TMC8: variants seen among roughly 807,000 people sequenced by gnomAD.
TMC8 encodes transmembrane channel like 8.
TMC8 carries 71 observed loss-of-function variants against 76.0 expected under a neutral mutation model. The observed-to-expected ratio is 0.93, with a 90% CI of 0.77 to 1.14. TMC8 has a LOEUF of 1.14. Among genes scored for constraint, TMC8 ranks in the 50% most tolerant of loss-of-function variants. The pLI, the probability that TMC8 is intolerant of heterozygous loss-of-function variation, is 0.00. For synonymous variants in TMC8, 433 were observed against 433.8 expected (o/e 1.00, Z 0.02); for missense variants, 924 against 947.9 (o/e 0.97, Z 0.33).
intron 15 of TMC8, 21 bp from the exon 16 acceptor site, chr17:78,140,813 C>G: frequency 3.1e-6 from 5 of 1,595,556 alleles, no homozygotes; most frequent in African/African-American, 2.7e-5. Flanking sequence ...TGTCGCAACT[C>G]GCCACTTGTT....
rs955538227 is a variant in TMC8, at chr17:78,134,375, T to C, written c.817-19T>C. The C allele has an allele frequency of 6.2e-7, 1 of 1,607,628 alleles. No individual in the cohort carries two copies. Among genetic ancestry groups the C allele is most frequent in the Non-Finnish European group, 8.5e-7 (1 of 1,179,862 alleles). ...CCCACCCCGCCTGCAGCTGCCTCTGTCCCCACCCTTCCGGGCAGGTGGAGC... is the reference window on the plus strand; with the variant it reads ...CCCACCCCGCCTGCAGCTGCCTCTGCCCCCACCCTTCCGGGCAGGTGGAGC... On this transcript the variant is annotated intron_variant, in intron 7 of 15. Transcript: ENST00000318430.
In TMC8 at chr17:78,134,441, C is replaced by A; in HGVS notation, c.864C>A (p.Thr288=). The A allele has an allele frequency of 6.2e-7, 1 of 1,613,640 alleles. No individual in the cohort carries two copies. The highest frequency in any genetic ancestry group is 8.5e-7 in the Non-Finnish European group (1 of 1,180,036). Residue 288 remains threonine (T), a synonymous_variant, in exon 8 of 16, where the codon ACC becomes ACA. Coordinates refer to ENST00000318430, the MANE Select transcript of TMC8 (RefSeq NM_152468.5). ...GCTTCCAGCTGATGCAGCAGCAGAC[C>A]CGGGCCCAGACGGCCTGCCGCCTGC... ...GRRFQLMQQQ[T]RAQTACRLLS...
In TMC8 at chr17:78,132,429, C is replaced by T. The variant is rs527473967; in HGVS notation, c.369C>T (p.Ser123=). The part of the protein sequence containing the change: ...LRFLLLLNLL[S]LLLTASFVLL... ...TCCTGCTGCTACTCAACCTGCTGAG[C>T]CTGCTGCTCACCGCAAGCTTCGTGC... Residue 123 remains serine (S), a synonymous_variant, in exon 4 of 16, where the codon AGC becomes AGT. Transcript: ENST00000318430. 29 of 1,612,848 alleles carry T rather than the reference C, an allele frequency of 1.8e-5. No homozygotes were observed. In the East Asian group the frequency reaches 6.2e-4, roughly 35 times the overall value.
rs878998550 is a variant in TMC8, at chr17:78,134,267, G to A, written c.817-127G>A. ...TCTGAGTGTCTATGGGAGCATGACA[G>A]TGTGAGAGTTTGTGACTGTGTATGT... On this transcript the variant is annotated intron_variant, in intron 7 of 15. Coordinates refer to ENST00000318430, the MANE Select transcript of TMC8 (RefSeq NM_152468.5). The A allele has an allele frequency of 1.7e-6, 2 of 1,201,564 alleles. No individual in the cohort carries two copies. The highest frequency in any genetic ancestry group is 2.6e-5 in the South Asian group (2 of 77,932). The allele number at this position is 1,201,564 out of a possible 1,614,324, so 74.4% of individuals were successfully genotyped here.
At chr17:78,130,977 C>A in intron 1 of TMC8, 126 bp downstream of exon 1, 1 of 172,960 alleles carries the variant, frequency 5.8e-6, no homozygotes, top group Admixed American at 5.7e-5. Context: ...AGCCACAGGT[C>A]CTCATCAGGG....
At chr17:78,135,960 A>G (rs2075216755) in intron 9 of TMC8, among the ~76,000 whole-genome samples, 1 of 152,196 alleles carries the variant, frequency 6.6e-6, no homozygotes, top group Non-Finnish European at 1.5e-5. Flanking sequence ...AAGCTGAGGC[A>G]GGAGAATCAC....
In TMC8 at chr17:78,137,802, C is replaced by A. The variant is rs1268870806; in HGVS notation, c.1337C>A (p.Thr446Asn). 3 of 1,613,222 alleles carry A rather than the reference C, an allele frequency of 1.9e-6. No individual in the cohort carries two copies. The highest frequency in any genetic ancestry group is 2.5e-6 in the Non-Finnish European group (3 of 1,179,992). ...LLTVAFAFLV[T>N]LPRRLLVDRF... ...ACCGTGGCCTTCGCCTTCCTGGTCA[C>A]CCTGCCTCGGAGGTGAGCCCCGGGG... Residue 446 changes from threonine to asparagine, a missense_variant, in exon 11 of 16, where the codon ACC (threonine) becomes AAC (asparagine). Thr to Asn is a moderately conservative substitution (Grantham distance 65). Coordinates refer to ENST00000318430, the MANE Select transcript of TMC8 (RefSeq NM_152468.5).
intron 15 of TMC8, among the ~76,000 whole-genome samples, chr17:78,140,149 C>T (rs961047503): frequency 5.9e-5 from 9 of 152,160 alleles, no homozygotes; most frequent in African/African-American, 2.2e-4. Flanking sequence ...ATAGCAAGAC[C>T]TCGTCTCTAC....
intron 7 of TMC8, 73 bp from the exon 8 acceptor site, chr17:78,134,321 G>C: frequency 1.9e-6 from 3 of 1,543,778 alleles, no homozygotes; most frequent in Non-Finnish European, 2.7e-6. Flanking sequence ...CTGTGTGTGA[G>C]AGCGTTTCCT....
chr17:78,136,157 T>G (rs1165598863), intron 9 of TMC8, among the ~76,000 whole-genome samples: 2 of 152,188 alleles, frequency 1.3e-5, no homozygotes, highest in African/African-American at 4.8e-5. Context: ...GCAGTGGGAA[T>G]GTTCACCCTT....
Position 78,133,941 on chromosome 17 carries a change from T to C in TMC8, c.757T>C (p.Cys253Arg). Residue 253 changes from cysteine (C) to arginine (R), a missense_variant, in exon 7 of 16, where the codon TGC becomes CGC. Physicochemically the swap from Cys to Arg is radical, Grantham distance 180. Transcript: ENST00000318430. Reference protein sequence around the residue: ...SAKVFSSWDFCIRVQEAATIK... With the variant: ...SAKVFSSWDFRIRVQEAATIK... Reference sequence around the variant, plus strand: ...CAAGGTCTTCTCCTCATGGGACTTCTGCATCCGGGTGCAGGAAGCAGCCAC... The same window carrying C: ...CAAGGTCTTCTCCTCATGGGACTTCCGCATCCGGGTGCAGGAAGCAGCCAC... 3 of 1,613,644 alleles carry C rather than the reference T, an allele frequency of 1.9e-6. No individual in the cohort carries two copies. Among genetic ancestry groups the C allele is most frequent in the South Asian group, 1.1e-5 (1 of 91,090 alleles).
At position 78,132,491 on chromosome 17, in the gene TMC8, G is replaced by A. The variant is rs2075039476; in HGVS notation, c.431G>A (p.Gly144Asp). The part of the protein sequence containing the change: ...PLVWLRPPDP[G>D]PTLNLTLQCP... ...GTCTGGCTCCGCCCCCCTGACCCAG[G>A]CCCCACCCTGAACTTGAGTGAGTGT... The change falls in exon 4 of 16, where the codon GGC becomes GAC. Residue 144 changes from glycine (G) to aspartate (D), a missense_variant. Coordinates refer to ENST00000318430, the MANE Select transcript of TMC8 (RefSeq NM_152468.5). The A allele has an allele frequency of 1.2e-6, 2 of 1,610,758 alleles. No homozygotes were observed. Among genetic ancestry groups the A allele is most frequent in the African/African-American group, 2.7e-5 (2 of 75,008 alleles).
intron 9 of TMC8, 124 bp downstream of exon 9, chr17:78,135,133 C>A: frequency 1.6e-6 from 2 of 1,287,610 alleles, no homozygotes; most frequent in Non-Finnish European, 2.2e-6. Flanking sequence ...ACTAGTGGCC[C>A]AAGGGAAGGC....
At chr17:78,132,703 G>C in intron 4 of TMC8, 85 bp from the exon 5 acceptor site, 1 of 1,547,152 alleles carries the variant, frequency 6.5e-7, no homozygotes, top group Non-Finnish European at 8.9e-7. Context: ...GGCCTCCCCA[G>C]GGTTGGGGGT....
chr17:78,131,768 T>G (rs1299382689), intron 2 of TMC8, 31 bp downstream of exon 2: 2 of 1,561,042 alleles, frequency 1.3e-6, no homozygotes, highest in Non-Finnish European at 1.7e-6. Flanking sequence ...AGACGGTGCG[T>G]GGGGGGGGTG....
intron 10 of TMC8, 111 bp from the exon 11 acceptor site, chr17:78,137,606 A>C: frequency 2.6e-6 from 3 of 1,171,206 alleles, no homozygotes; most frequent in Non-Finnish European, 3.8e-6. Flanking sequence ...TAACGATTCT[A>C]TCAGACACCA....
intron 1 of TMC8, 39 bp downstream of exon 1, chr17:78,130,890 G>A (rs2074946195): frequency 6.4e-6 from 1 of 156,386 alleles, no homozygotes; most frequent in Non-Finnish European, 1.4e-5. Flanking sequence ...TGCAGAGGGT[G>A]AGGGGCTGTG....
rs759727058 is a variant in TMC8, at chr17:78,131,671, G to C, written c.83G>C (p.Arg28Pro). Residue 28 changes from arginine to proline, a missense_variant, in exon 2 of 16, where the codon CGG becomes CCG. Physicochemically the swap from Arg to Pro is moderately radical, Grantham distance 103 (BLOSUM62 -2). Coordinates refer to ENST00000318430, the MANE Select transcript of TMC8 (RefSeq NM_152468.5). ...PEELWEAEME[R>P]LRGSGTPVRG... ...GAGCTGTGGGAGGCAGAGATGGAGCGGCTGCGCGGCTCTGGGACGCCCGTG... is the reference window on the plus strand; with the variant it reads ...GAGCTGTGGGAGGCAGAGATGGAGCCGCTGCGCGGCTCTGGGACGCCCGTG... The C allele has an allele frequency of 8.9e-6, 14 of 1,570,558 alleles. 1 individual carries two copies. Among genetic ancestry groups the C allele is most frequent in the Middle Eastern group, 3.4e-4 (2 of 5,854 alleles).
In TMC8 at chr17:78,140,983, G is replaced by C. The variant is rs763712525; in HGVS notation, c.2052G>C (p.Pro684=). The change falls in exon 16 of 16, where the codon CCG becomes CCC. Residue 684 remains proline, a synonymous_variant. Transcript: ENST00000318430. The part of the protein sequence containing the change: ...FCPGCPCPGS[P]GHQAPRPGPS... ...CCGGATGCCCATGCCCTGGCTCCCCGGGCCACCAGGCCCCGCGGCCGGGCC... is the reference window on the plus strand; with the variant it reads ...CCGGATGCCCATGCCCTGGCTCCCCCGGCCACCAGGCCCCGCGGCCGGGCC... The C allele has an allele frequency of 5.0e-6, 8 of 1,592,564 alleles. No homozygotes were observed. The highest frequency in any genetic ancestry group is 2.7e-5 in the African/African-American group (2 of 74,354).
Sources: gnomAD v4.1 joint callset for allele counts (sites outside exome capture counted in the v4.1 genomes callset) on GRCh38, gnomAD v4.1.1 for gene constraint, MANE v1.5 for transcripts, NCBI Gene and HGNC (gene_info 2026-07-23, HGNC 2026-07-21) for gene names.